The following ALDH8A1 variants were observed in gnomAD, a reference collection of about 807,000 sequenced individuals.
ALDH8A1 encodes the protein aldehyde dehydrogenase 8 family member A1.
In ALDH8A1, 39 loss-of-function variants were observed where a neutral mutation model predicts 43.3. The observed-to-expected ratio is 0.90, with a 90% CI of 0.70 to 1.18. The LOEUF (loss-of-function observed/expected upper bound fraction) is 1.18, where lower values mean the gene tolerates loss of function less well. Among genes scored for constraint, ALDH8A1 ranks in the 50% most tolerant of loss-of-function variants. The pLI, the probability that ALDH8A1 is intolerant of heterozygous loss-of-function variation, is 0.00. For synonymous variants in ALDH8A1, 233 were observed against 243.5 expected (o/e 0.96, Z 0.40); for missense variants, 605 against 622.6 (o/e 0.97, Z 0.30).
intron 5 of ALDH8A1, among the ~76,000 whole-genome samples, chr6:134,930,701 C>A (rs1049674149): frequency 6.6e-6 from 1 of 152,306 alleles, no homozygotes; most frequent in South Asian, 2.1e-4. Context: ...TTTGCGCAAG[C>A]GCCCTGTGAC....
chr6:134,922,890 G>A (rs530961189), intron 6 of ALDH8A1, among the ~76,000 whole-genome samples: 31 of 152,264 alleles, frequency 2.0e-4, no homozygotes, highest in Middle Eastern at 6.8e-3. Context: ...TGATAGTAAC[G>A]TGCTGGTTTG....
chr6:134,924,725 G>A (rs910029039), intron 6 of ALDH8A1, among the ~76,000 whole-genome samples: 1 of 152,036 alleles, frequency 6.6e-6, no homozygotes, highest in African/African-American at 2.4e-5. Context: ...TCTTCTCTGT[G>A]GAGTCACTCA....
intron 5 of ALDH8A1, 85 bp from the exon 6 acceptor site, chr6:134,929,300 A>ATCAGG (rs1236629531): frequency 3.9e-5 from 57 of 1,448,740 alleles, no homozygotes; most frequent in Non-Finnish European, 5.2e-5. Flanking sequence ...CCTGCCATGT[A>ATCAGG]TCAGGCACTG....
At chr6:134,944,312 A>C in intron 1 of ALDH8A1, 1 of 184,710 alleles carries the variant, frequency 5.4e-6, no homozygotes, top group Non-Finnish European at 1.1e-5. Flanking sequence ...CAAGTGAACC[A>C]CTCGCCTCGG....
chr6:134,931,801 T>A (rs889298186), intron 5 of ALDH8A1, among the ~76,000 whole-genome samples: 7 of 152,248 alleles, frequency 4.6e-5, no homozygotes, highest in African/African-American at 1.7e-4. Context: ...ACACTTATGA[T>A]TATCATGAAG....
At chr6:134,941,748 C>A (rs1273542877) in intron 3 of ALDH8A1, among the ~76,000 whole-genome samples, 2 of 151,792 alleles carry the variant, frequency 1.3e-5, no homozygotes, top group African/African-American at 4.8e-5. Context: ...TGATCGAATT[C>A]CTGACCTCAG....
chr6:134,949,969 C>A lies in ALDH8A1; in HGVS notation c.85G>T (p.Asp29Tyr). The A allele has an allele frequency of 2.5e-6, 4 of 1,612,584 alleles. No individual in the cohort carries two copies. The highest frequency in any genetic ancestry group is 3.4e-6 in the Non-Finnish European group (4 of 1,179,326). ...LPCSSYIDSY[D>Y]PSTGEVYCRV... ...CAATACACTTCCCCTGTTGATGGGT[C>A]GTAAGAATCTATATATGAGCTACAA... The change falls in exon 1 of 7, where the codon GAC becomes TAC. Residue 29 changes from aspartate (D) to tyrosine (Y), a missense_variant. Coordinates refer to ENST00000265605, the MANE Select transcript of ALDH8A1 (RefSeq NM_022568.4).
rs753016844 is a variant in ALDH8A1 at position 134,932,919 on chromosome 6, C to T, written c.706G>A (p.Ala236Thr). Residue 236 changes from alanine (A) to threonine (T), a missense_variant, in exon 5 of 7, where the codon GCT (alanine) becomes ACT (threonine). By Grantham distance (58) the Ala-to-Thr change is moderately conservative. Transcript: ENST00000265605. ...LISFTGSQPT[A>T]ERITQLSAPH... Reference sequence around the variant, plus strand: ...GCGCTCAGCTGGGTGATCCGCTCAGCGGTGGGCTGGCTCCCGGTGAAGGAG... The same window carrying T: ...GCGCTCAGCTGGGTGATCCGCTCAGTGGTGGGCTGGCTCCCGGTGAAGGAG... 25 of 1,614,016 alleles carry T rather than the reference C, an allele frequency of 1.5e-5. 1 individual carries two copies. The highest frequency in any genetic ancestry group is 3.3e-4 in the Middle Eastern group (2 of 6,082).
rs948196150 is a variant in ALDH8A1 at position 134,942,637 on chromosome 6, G to A, written c.287-73C>T. 3.1e-5 allele frequency: 45 copies of A among 1,468,188 alleles called. 1 individual carries two copies. The highest frequency in any genetic ancestry group is 2.8e-4 in the South Asian group (21 of 73,804). 90.9% of individuals were successfully genotyped at this position (1,468,188 alleles called of 1,614,324 possible). A position where few individuals can be genotyped will look rare whatever the true frequency, so the allele number is the denominator to read the frequency against. ...CTATCCATCAGCTTCCACTGCCCAC[G>A]CGTCCCAACTCACACTGAAACAGCC... On this transcript the variant is annotated intron_variant, in intron 2 of 6. Transcript: ENST00000265605.
Position 134,918,587 on chromosome 6 carries a change from A to G in ALDH8A1, c.1292T>C (p.Val431Ala). The G allele has an allele frequency of 6.2e-7, 1 of 1,614,084 alleles. No homozygotes were observed. The highest frequency in any genetic ancestry group is 8.5e-7 in the Non-Finnish European group (1 of 1,180,018). Residue 431 changes from valine to alanine, a missense_variant, in exon 7 of 7, where the codon GTC becomes GCC. Coordinates refer to ENST00000265605, the MANE Select transcript of ALDH8A1 (RefSeq NM_022568.4). Reference sequence around the variant, plus strand: ...CTGCAGCTTCTTAGCCACCCGGTGGACGCGCCCCACATTGCTGGACCACAC... The same window carrying G: ...CTGCAGCTTCTTAGCCACCCGGTGGGCGCGCCCCACATTGCTGGACCACAC... Reference protein sequence around the residue: ...ATVWSSNVGRVHRVAKKLQSG... With the variant: ...ATVWSSNVGRAHRVAKKLQSG...
At chr6:134,934,497 TGACTTCCCGAG>T (rs767811480) in intron 4 of ALDH8A1, among the ~76,000 whole-genome samples, 11 of 152,208 alleles carry the variant, frequency 7.2e-5, no homozygotes, top group Non-Finnish European at 1.3e-4. Flanking sequence ...TGGTTTTGGC[TGACTTCCCGAG>T]GATACGTAGT....
intron 5 of ALDH8A1, among the ~76,000 whole-genome samples, chr6:134,931,152 T>G (rs1776979459): frequency 6.6e-6 from 1 of 152,230 alleles, no homozygotes; most frequent in African/African-American, 2.4e-5. Context: ...CTATTTCCTT[T>G]TTAAAACAAC....
chr6:134,918,026 G>T lies in ALDH8A1; in HGVS notation c.*389C>A. On this transcript the variant is annotated 3_prime_UTR_variant, in exon 7 of 7. Coordinates refer to ENST00000265605, the MANE Select transcript of ALDH8A1 (RefSeq NM_022568.4). ...GATCCACCCACCTTGGCCTCCCAAA[G>T]TGCTGGGATTATAGGCATGAGGCAC... The T allele has an allele frequency of 4.8e-6, 1 of 208,764 alleles. No individual in the cohort carries two copies. Among genetic ancestry groups the T allele is most frequent in the South Asian group, 9.3e-5 (1 of 10,776 alleles). 12.9% of individuals were successfully genotyped at this position (208,764 alleles called of 1,614,324 possible).
intron 5 of ALDH8A1, among the ~76,000 whole-genome samples, chr6:134,931,254 GTT>G (rs1491500196): frequency 6.6e-6 from 1 of 151,726 alleles, no homozygotes; most frequent in Non-Finnish European, 1.5e-5. Context: ...TTCAGAATTT[GTT>G]TTGTTTGTTT....
Position 134,918,132 on chromosome 6 carries a change from T to C in ALDH8A1, c.*283A>G. 2.4e-6 allele frequency: 1 copy of C among 414,108 alleles called. No homozygotes were observed. Among genetic ancestry groups the C allele is most frequent in the African/African-American group, 2.0e-5 (1 of 50,206 alleles). The allele number at this position is 414,108 out of a possible 1,614,324, so 25.7% of individuals were successfully genotyped here. On this transcript the variant is annotated 3_prime_UTR_variant, in exon 7 of 7. Transcript: ENST00000265605. ...GAGATTCCCAAGAGTTCAATGAAGA[T>C]GATGAAAGAAACACTATGAAAACAT...
In ALDH8A1 at chr6:134,929,207, G is replaced by A. The variant is rs778416593; in HGVS notation, c.858C>T (p.Ile286=). The change falls in exon 6 of 7, where the codon ATC becomes ATT. Residue 286 remains isoleucine (I), a synonymous_variant. Coordinates refer to ENST00000265605, the MANE Select transcript of ALDH8A1 (RefSeq NM_022568.4). The part of the protein sequence containing the change: ...VRSSFANQGE[I]CLCTSRIFVQ... Reference sequence around the variant, plus strand: ...CAAAGATCCTGCTGGTACAGAGACAGATTTCACCCTGCCAAGAATGAGAAC... The same window carrying A: ...CAAAGATCCTGCTGGTACAGAGACAAATTTCACCCTGCCAAGAATGAGAAC... 3 of 1,613,874 alleles carry A rather than the reference G, an allele frequency of 1.9e-6. No individual in the cohort carries two copies. Among genetic ancestry groups the A allele is most frequent in the Non-Finnish European group, 2.5e-6 (3 of 1,179,922 alleles).
chr6:134,943,196 T>C (rs1238457864), intron 2 of ALDH8A1, among the ~76,000 whole-genome samples: 1 of 152,220 alleles, frequency 6.6e-6, no homozygotes, highest in Non-Finnish European at 1.5e-5. Flanking sequence ...CAGAGAACTA[T>C]TTTCTTTTTA....
At chr6:134,932,245 G>A (rs1221123317) in intron 5 of ALDH8A1, among the ~76,000 whole-genome samples, 1 of 152,176 alleles carries the variant, frequency 6.6e-6, no homozygotes, top group East Asian at 1.9e-4. Context: ...ACAGAGCACA[G>A]AGAAACATCT....
At chr6:134,944,243 T>A in intron 1 of ALDH8A1, 1 of 305,110 alleles carries the variant, frequency 3.3e-6, no homozygotes, top group Non-Finnish European at 6.1e-6. Flanking sequence ...AATTTTTGTA[T>A]TTTTTAGTAG....
Sources: allele counts gnomAD v4.1 joint callset (sites outside exome capture counted in the v4.1 genomes callset), GRCh38; gene constraint gnomAD v4.1.1; transcripts MANE v1.5; gene names NCBI Gene and HGNC (gene_info 2026-07-23, HGNC 2026-07-21).